The following DLG2 variants were observed in gnomAD, a reference collection of about 807,000 sequenced individuals.
The protein encoded by DLG2 is discs large MAGUK scaffold protein 2, also known as disks large homolog 2.
DLG2 carries 45 observed loss-of-function variants against 132.5 expected under a neutral mutation model. The observed-to-expected ratio is 0.34, with a 90% CI of 0.27 to 0.44. DLG2 has a LOEUF of 0.44. DLG2 is among the 20% of genes least tolerant of loss of function. The probability of loss-of-function intolerance (pLI) is 1.00; values close to 1 mark genes in which losing one functional copy is unlikely to be tolerated. For synonymous variants in DLG2, 424 were observed against 419.6 expected (o/e 1.01, Z -0.13); for missense variants, 1,045 against 1,196.9 (o/e 0.87, Z 1.87).
chr11:84,407,458 C>T lies in DLG2; in HGVS notation c.519+127112G>A, dbSNP rs543179116. Among the ~76,000 whole-genome samples, 20 of 152,264 alleles carry T rather than the reference C, an allele frequency of 1.3e-4. No homozygotes were observed. In the East Asian group the frequency reaches 2.5e-3, roughly 19 times the overall value. ...TGACCACCTGCTCTCTAAGGCCATACATTTTGGATTTCATTCTTTGCCTGT... is the reference window on the plus strand; with the variant it reads ...TGACCACCTGCTCTCTAAGGCCATATATTTTGGATTTCATTCTTTGCCTGT... On this transcript the variant is annotated intron_variant, in intron 7 of 27. Coordinates refer to ENST00000376104, the MANE Select transcript of DLG2 (RefSeq NM_001142699.3).
intron 6 of DLG2, among the ~76,000 whole-genome samples, chr11:84,889,839 G>C (rs956279590): frequency 6.6e-6 from 1 of 152,118 alleles, no homozygotes; most frequent in African/African-American, 2.4e-5. Flanking sequence ...CTCAGGAATA[G>C]ACCTAGAGAC....
chr11:85,160,640 T>C (rs370863742), intron 4 of DLG2, among the ~76,000 whole-genome samples: 29 of 152,040 alleles, frequency 1.9e-4, no homozygotes, highest in East Asian at 5.8e-4. Context: ...ATATACATGA[T>C]TGAGCTCAAG....
At chr11:85,545,325 C>T (rs1344025104) in intron 3 of DLG2, among the ~76,000 whole-genome samples, 2 of 152,104 alleles carry the variant, frequency 1.3e-5, no homozygotes, top group Non-Finnish European at 2.9e-5. Flanking sequence ...GACTTGCATC[C>T]CCGGGATGCA....
Position 83,960,482 on chromosome 11 carries a change from C to T in DLG2, c.1340+2403G>A, listed in dbSNP as rs368456614. ...AAGTAAAAACATAATAAATAATTGC[C>T]AAATTCTTTTACAAAAGAAAGGGCA... On this transcript the variant is annotated intron_variant, in intron 14 of 27. Transcript: ENST00000376104. Among the ~76,000 whole-genome samples the T allele has an allele frequency of 9.2e-5, 14 of 151,924 alleles. No individual in the cohort carries two copies. The South Asian group carries it at 1.0e-3, about 11-fold the overall frequency.
chr11:84,771,991 T>C (rs2069492867), intron 6 of DLG2, among the ~76,000 whole-genome samples: 1 of 151,926 alleles, frequency 6.6e-6, no homozygotes, highest in South Asian at 2.1e-4. Context: ...AAAAATAATA[T>C]ACCATCTGCA....
chr11:83,766,125 ACT>A (rs1262466926), intron 18 of DLG2, among the ~76,000 whole-genome samples: 1 of 142,196 alleles, frequency 7.0e-6, no homozygotes, highest in East Asian at 2.0e-4. Flanking sequence ...ATGGAGTCTC[ACT>A]CTGTCACCCA....
intron 3 of DLG2, among the ~76,000 whole-genome samples, chr11:85,390,650 G>A (rs2086720229): frequency 6.6e-6 from 1 of 152,004 alleles, no homozygotes; most frequent in South Asian, 2.1e-4. Context: ...TCAAAATCAT[G>A]CAAATACATA....
chr11:83,581,784 T>G (rs1328910580), intron 19 of DLG2, among the ~76,000 whole-genome samples: 1 of 152,140 alleles, frequency 6.6e-6, no homozygotes, highest in Non-Finnish European at 1.5e-5. Context: ...ACCTACTGTT[T>G]CTTTTCAAAC....
intron 5 of DLG2, among the ~76,000 whole-genome samples, chr11:85,121,241 A>C (rs2074275662): frequency 6.6e-6 from 1 of 151,896 alleles, no homozygotes; most frequent in African/African-American, 2.4e-5. Flanking sequence ...AAATTATATT[A>C]TTTCTCCAAT....
In DLG2 at chr11:85,362,357, T is replaced by G. The variant is rs183401173; in HGVS notation, c.41-76992A>C. On this transcript the variant is annotated intron_variant, in intron 3 of 27. Coordinates refer to ENST00000376104, the MANE Select transcript of DLG2 (RefSeq NM_001142699.3). ...TGTTTGTTTGTTTGTTGTTTGTTTT[T>G]GGGTTTTTTGGGTAGCTATTGTTAA... 2.6e-3 allele frequency among the ~76,000 whole-genome samples: 399 copies of G among 152,336 alleles called. 5 individuals carry two copies. Among genetic ancestry groups the G allele is most frequent in the African/African-American group, 9.1e-3 (379 of 41,578 alleles).
At chr11:84,305,891 G>T (rs1472990851) in intron 7 of DLG2, among the ~76,000 whole-genome samples, 2 of 152,068 alleles carry the variant, frequency 1.3e-5, no homozygotes, top group African/African-American at 2.4e-5. Context: ...TGCACAAATA[G>T]ATTTCTTATT....
intron 7 of DLG2, among the ~76,000 whole-genome samples, chr11:84,251,820 T>C (rs2097380786): frequency 1.3e-5 from 2 of 151,838 alleles, no homozygotes; most frequent in African/African-American, 4.8e-5. Flanking sequence ...GCTGTATTTT[T>C]AGTAGAGACG....
At position 84,934,546 on chromosome 11, in the gene DLG2, T is replaced by TTTTG. The variant is rs1183459468; in HGVS notation, c.357+177114_357+177115insCAAA. The stretch of plus-strand genomic sequence containing the variant: ...TTTTGTTTTTTTTTTTTTTTTTTTT[T>TTTTG]GGTGGGTAGGCTATTTATTACTGTC... On this transcript the variant is annotated intron_variant, in intron 6 of 27. Coordinates refer to ENST00000376104, the MANE Select transcript of DLG2 (RefSeq NM_001142699.3). Among the ~76,000 whole-genome samples the TTTTG allele has an allele frequency of 4.9e-4, 63 of 128,718 alleles. 1 individual carries two copies. Among genetic ancestry groups the TTTTG allele is most frequent in the East Asian group, 1.3e-3 (5 of 3,730 alleles). 84.4% of individuals were successfully genotyped at this position (128,718 alleles called of 152,430 possible).
At chr11:83,718,532 G>GAAA (rs57237354) in intron 18 of DLG2, among the ~76,000 whole-genome samples, 16,109 of 106,132 alleles carry the variant, frequency 0.15, 1,215 homozygotes, top group South Asian at 0.2. Flanking sequence ...CTCAAAAAAA[G>GAAA]AAAAAAAAAA....
chr11:85,474,287 C>A (rs1597676236), intron 3 of DLG2, among the ~76,000 whole-genome samples: 1 of 151,862 alleles, frequency 6.6e-6, no homozygotes, highest in African/African-American at 2.4e-5. Flanking sequence ...CACAACATAG[C>A]CTCTCAATAG....
chr11:85,204,235 G>A (rs2081689409), intron 4 of DLG2, among the ~76,000 whole-genome samples: 1 of 152,106 alleles, frequency 6.6e-6, no homozygotes, highest in Non-Finnish European at 1.5e-5. Context: ...TGGAAAGGAA[G>A]AGGTCAAATT....
intron 6 of DLG2, among the ~76,000 whole-genome samples, chr11:84,541,287 G>C (rs2099368671): frequency 6.6e-6 from 1 of 151,906 alleles, no homozygotes; most frequent in Admixed American, 6.6e-5. Context: ...AGGTGCTCAA[G>C]ACAGGGATGC....
intron 18 of DLG2, among the ~76,000 whole-genome samples, chr11:83,721,654 C>G (rs2088594106): frequency 6.6e-6 from 1 of 152,198 alleles, no homozygotes; most frequent in Admixed American, 6.5e-5. Context: ...GAGGAAAGCA[C>G]AGCAAGAAAA....
Position 83,459,441 on chromosome 11 carries a change from G to T in DLG2, c.*377C>A, listed in dbSNP as rs1416349926. 2 of 161,370 alleles carry T rather than the reference G, an allele frequency of 1.2e-5. No homozygotes were observed. Among genetic ancestry groups the T allele is most frequent in the African/African-American group, 4.8e-5 (2 of 41,746 alleles). 10.0% of individuals were successfully genotyped at this position (161,370 alleles called of 1,614,324 possible). ...TGTGGGTAATGGGAAGGCTGATGAG[G>T]TTCGAGTGCTGGCAATTTTTCTTTA... On this transcript the variant is annotated 3_prime_UTR_variant, in exon 28 of 28. Transcript: ENST00000376104.
Sources: gnomAD v4.1 joint callset for allele counts (sites outside exome capture counted in the v4.1 genomes callset) on GRCh38, gnomAD v4.1.1 for gene constraint, MANE v1.5 for transcripts, NCBI Gene and HGNC (gene_info 2026-07-23, HGNC 2026-07-21) for gene names.